The following NALF1 variants were observed in gnomAD, a reference collection of about 807,000 sequenced individuals.
NALF1 encodes the protein family with sequence similarity 155 member A.
NALF1 carries 3 observed loss-of-function variants against 48.4 expected under a neutral mutation model. The observed-to-expected ratio is 0.06, with a 90% CI of 0.03 to 0.16. The LOEUF is 0.16. Among genes scored for constraint, NALF1 ranks in the 10% least tolerant of loss-of-function variants. NALF1 has a pLI of 1.00. For missense variants in NALF1, 526 were observed against 571.5 expected, an observed-to-expected ratio of 0.92 and a Z score of 0.81; for synonymous variants, 262 against 245.7, an observed-to-expected ratio of 1.07 and a Z score of -0.62.
chr13:107,753,765 T>A (rs1020874209), intron 1 of NALF1, among the ~76,000 whole-genome samples: 1 of 152,168 alleles, frequency 6.6e-6, no homozygotes, highest in African/African-American at 2.4e-5. Context: ...CTCAACAGAA[T>A]GCAATACTGG....
At chr13:107,808,673 A>T (rs866303002) in intron 1 of NALF1, among the ~76,000 whole-genome samples, 2,536 of 137,802 alleles carry the variant, frequency 0.018, 75 homozygotes, top group African/African-American at 0.086. Flanking sequence ...CAGATTTAAA[A>T]AAAAAAAAAA....
intron 1 of NALF1, among the ~76,000 whole-genome samples, chr13:107,375,348 T>G (rs1284710231): frequency 6.6e-6 from 1 of 152,184 alleles, no homozygotes; most frequent in Non-Finnish European, 1.5e-5. Flanking sequence ...GAAGACAAAT[T>G]GAAAGCTATT....
intron 1 of NALF1, among the ~76,000 whole-genome samples, chr13:107,860,464 T>C (rs1360908231): frequency 6.6e-6 from 1 of 152,178 alleles, no homozygotes; most frequent in African/African-American, 2.4e-5. Context: ...AGGGAGACTT[T>C]GACAGAGCCC....
intron 1 of NALF1, among the ~76,000 whole-genome samples, chr13:107,249,759 G>C (rs1880658423): frequency 1.3e-5 from 2 of 151,986 alleles, no homozygotes; most frequent in Non-Finnish European, 2.9e-5. Flanking sequence ...TGTCTTTTAG[G>C]TGTTGTTGAA....
At chr13:107,527,254 C>T (rs1211287373) in intron 1 of NALF1, among the ~76,000 whole-genome samples, 1 of 152,086 alleles carries the variant, frequency 6.6e-6, no homozygotes, top group Non-Finnish European at 1.5e-5. Context: ...CTGCTGATCT[C>T]TCTCTAGGCT....
chr13:107,315,681 G>A (rs573532379), intron 1 of NALF1, among the ~76,000 whole-genome samples: 5 of 151,982 alleles, frequency 3.3e-5, no homozygotes, highest in African/African-American at 1.2e-4. Flanking sequence ...CCAAGAGTCA[G>A]CCATGAACAT....
At chr13:107,788,538 C>G (rs1408985398) in intron 1 of NALF1, 5 of 152,286 alleles carry the variant, frequency 3.3e-5, no homozygotes, top group Non-Finnish European at 5.9e-5. Context: ...TGGATTCACT[C>G]TAGCCCTTTC....
chr13:107,187,053 G>A (rs1879189698), intron 2 of NALF1, among the ~76,000 whole-genome samples: 1 of 152,124 alleles, frequency 6.6e-6, no homozygotes. Context: ...GCAACTGTGG[G>A]CTGAGTGCTT....
At chr13:107,515,420 C>T (rs1284490698) in intron 1 of NALF1, among the ~76,000 whole-genome samples, 1 of 152,030 alleles carries the variant, frequency 6.6e-6, no homozygotes, top group Non-Finnish European at 1.5e-5. Flanking sequence ...TTCTTTAACC[C>T]ATTTACTCCT....
intron 1 of NALF1, among the ~76,000 whole-genome samples, chr13:107,646,719 T>C (rs780845543): frequency 6.6e-5 from 10 of 152,160 alleles, no homozygotes; most frequent in Admixed American, 3.3e-4. Context: ...TTTAGCTGTA[T>C]TTAATCATGG....
chr13:107,667,647 C>T (rs971111952), intron 1 of NALF1, among the ~76,000 whole-genome samples: 1 of 151,950 alleles, frequency 6.6e-6, no homozygotes, highest in South Asian at 2.1e-4. Flanking sequence ...ATATGTTTTC[C>T]GAGTTTAAAG....
intron 1 of NALF1, among the ~76,000 whole-genome samples, chr13:107,579,376 C>G (rs1451045489): frequency 2.6e-5 from 4 of 152,236 alleles, no homozygotes; most frequent in African/African-American, 9.6e-5. Flanking sequence ...CAGGCATAAG[C>G]CACTGCACTT....
At chr13:107,307,676 C>T (rs1881964236) in intron 1 of NALF1, among the ~76,000 whole-genome samples, 1 of 145,932 alleles carries the variant, frequency 6.9e-6, no homozygotes, top group African/African-American at 2.5e-5. Context: ...GCTATAATGG[C>T]ATTGAAATGG....
chr13:107,268,656 T>C (rs960242980), intron 1 of NALF1, among the ~76,000 whole-genome samples: 2 of 152,226 alleles, frequency 1.3e-5, no homozygotes, highest in Non-Finnish European at 2.9e-5. Flanking sequence ...GTGGGACTAA[T>C]AATTTATCCT....
At chr13:107,770,287 T>G (rs113936048) in intron 1 of NALF1, among the ~76,000 whole-genome samples, 1 of 152,212 alleles carries the variant, frequency 6.6e-6, no homozygotes, top group Non-Finnish European at 1.5e-5. Context: ...TGATTACTTA[T>G]GCTGTTTGGA....
intron 1 of NALF1, among the ~76,000 whole-genome samples, chr13:107,726,691 C>A (rs1428821841): frequency 1.3e-5 from 2 of 151,116 alleles, no homozygotes; most frequent in African/African-American, 4.9e-5. Context: ...TTCACTGCAA[C>A]CTCCGCCTCC....
chr13:107,636,547 T>C (rs924073448), intron 1 of NALF1, among the ~76,000 whole-genome samples: 1 of 152,190 alleles, frequency 6.6e-6, no homozygotes, highest in Non-Finnish European at 1.5e-5. Context: ...TCTAGCTTCT[T>C]CTATATCATA....
At chr13:107,384,869 T>A (rs1883501448) in intron 1 of NALF1, among the ~76,000 whole-genome samples, 1 of 152,208 alleles carries the variant, frequency 6.6e-6, no homozygotes, top group African/African-American at 2.4e-5. Flanking sequence ...GGAGTGTGTT[T>A]CCCACTGGTT....
intron 1 of NALF1, among the ~76,000 whole-genome samples, chr13:107,759,216 GT>G (rs1315153569): frequency 4.0e-5 from 6 of 151,888 alleles, no homozygotes; most frequent in Non-Finnish European, 5.9e-5. Flanking sequence ...TTTTGTTTTT[GT>G]TTTTGTTTTT....
Sources: gnomAD v4.1 joint callset for allele counts (sites outside exome capture counted in the v4.1 genomes callset) on GRCh38, gnomAD v4.1.1 for gene constraint, MANE v1.5 for transcripts, NCBI Gene and HGNC (gene_info 2026-07-23, HGNC 2026-07-21) for gene names.